Variants in HOXC11 observed in about 807,000 individuals in gnomAD.
The protein encoded by HOXC11 is homeobox C11.
Under a neutral mutation model 23.6 loss-of-function variants are expected in HOXC11, and 17 were observed. The observed-to-expected ratio is 0.72, with a 90% CI of 0.49 to 1.08. HOXC11 has a LOEUF of 1.08. Ranked by LOEUF, HOXC11 falls within the 50% of genes least tolerant of loss-of-function variation. HOXC11 has a pLI of 0.00. For synonymous variants in HOXC11, 196 were observed against 183.8 expected (o/e 1.07, Z -0.54); for missense variants, 413 against 412.1 (o/e 1.00, Z -0.02).
Position 53,975,259 on chromosome 12 carries a change from A to C in HOXC11, c.761A>C (p.Asn254Thr). ...GAACTGGAGCGAGAGTTTTTCTTCA[A>C]CGTGTATATCAACAAAGAGAAGCGG... ...IRELEREFFF[N>T]VYINKEKRLQ... is the part of the protein sequence containing the mutation. Residue 254 changes from asparagine to threonine, a missense_variant, in exon 2 of 2, where the codon AAC becomes ACC. Asn to Thr is a moderately conservative substitution (Grantham distance 65). Coordinates refer to ENST00000546378, the MANE Select transcript of HOXC11 (RefSeq NM_014212.4). 6.2e-7 allele frequency: 1 copy of C among 1,612,950 alleles called. No individual in the cohort carries two copies. Among genetic ancestry groups the C allele is most frequent in the Non-Finnish European group, 8.5e-7 (1 of 1,179,700 alleles).
At chr12:53,975,078 G>T (rs1939231574) in intron 1 of HOXC11, 103 bp from the exon 2 acceptor site, 2 of 619,134 alleles carry the variant, frequency 3.2e-6, no homozygotes, top group Non-Finnish European at 5.7e-6. Context: ...GCCCGCGGTG[G>T]GCTAGGAGAA....
chr12:53,973,150 A>G lies in HOXC11; in HGVS notation c.-92A>G. On this transcript the variant is annotated 5_prime_UTR_variant, in exon 1 of 2. Coordinates refer to ENST00000546378, the MANE Select transcript of HOXC11 (RefSeq NM_014212.4). This position sits in a 1 kb window ranked among gnomAD's most constrained non-coding sequence, Gnocchi z 4.3. ...CGTGCTCAGAGAGAGAGAGACTAAG[A>G]CGGATAACGCGTCATCTCGCCTTCC... 1 of 931,494 alleles carries G rather than the reference A, an allele frequency of 1.1e-6. No homozygotes were observed. The highest frequency in any genetic ancestry group is 3.0e-4 in the Middle Eastern group (1 of 3,296). The allele number at this position is 931,494 out of a possible 1,614,324, so 57.7% of individuals were successfully genotyped here. A position where few individuals can be genotyped will look rare whatever the true frequency, so the allele number is the denominator to read the frequency against.
Position 53,973,432 on chromosome 12 carries a change from C to T in HOXC11, c.191C>T (p.Ser64Leu), listed in dbSNP as rs201705157. 33 of 1,614,204 alleles carry T rather than the reference C, an allele frequency of 2.0e-5. No homozygotes were observed. In the East Asian group the frequency reaches 4.0e-4, roughly 20 times the overall value. ...APSRQISYPY[S>L]AQVPPVREVS... ...TCTCGTCAGATCTCCTATCCCTACT[C>T]GGCCCAAGTGCCCCCGGTCCGGGAG... The change falls in exon 1 of 2, where the codon TCG (serine) becomes TTG (leucine). Residue 64 changes from serine to leucine, a missense_variant. Coordinates refer to ENST00000546378, the MANE Select transcript of HOXC11 (RefSeq NM_014212.4). The surrounding 1 kb of genome is among the most constrained non-coding windows in gnomAD (Gnocchi z 4.3).
rs1235961036 is a variant in HOXC11, at chr12:53,975,566, G to A, written c.*153G>A. On this transcript the variant is annotated 3_prime_UTR_variant, in exon 2 of 2. Transcript: ENST00000546378. ...ACCGCTGTGGCCGGCACTCCATTCCGGAACCTCCTGGACCCTCTATCTGAC... is the reference window on the plus strand; with the variant it reads ...ACCGCTGTGGCCGGCACTCCATTCCAGAACCTCCTGGACCCTCTATCTGAC... The A allele has an allele frequency of 1.4e-6, 1 of 697,132 alleles. No individual in the cohort carries two copies. The highest frequency in any genetic ancestry group is 1.8e-5 in the African/African-American group (1 of 56,240). 43.2% of individuals were successfully genotyped at this position (697,132 alleles called of 1,614,324 possible).
Position 53,973,808 on chromosome 12 carries a change from G to A in HOXC11, c.567G>A (p.Leu189=). Residue 189 remains leucine (L), a synonymous_variant, in exon 1 of 2, where the codon CTG becomes CTA. Transcript: ENST00000546378. This position sits in a 1 kb window ranked among gnomAD's most constrained non-coding sequence, Gnocchi z 4.3. ...GEPEAPPASG[L]ASRAEAGAEA... The stretch of plus-strand genomic sequence containing the variant: ...CCGAGGCACCCCCGGCCTCGGGACT[G>A]GCGTCCCGGGCTGAGGCGGGTGCCG... 6.4e-7 allele frequency: 1 copy of A among 1,559,666 alleles called. No individual in the cohort carries two copies. The highest frequency in any genetic ancestry group is 8.6e-7 in the Non-Finnish European group (1 of 1,156,934).
At chr12:53,975,071 C>T (rs950370801) in intron 1 of HOXC11, 110 bp from the exon 2 acceptor site, 5 of 603,926 alleles carry the variant, frequency 8.3e-6, no homozygotes, top group South Asian at 2.0e-5. Flanking sequence ...GAGGGCTGCC[C>T]GCGGTGGGCT....
In HOXC11 at chr12:53,973,132, A is replaced by G; in HGVS notation, c.-110A>G. ...AATATCTACTTTGGATCACGTGCTCAGAGAGAGAGAGACTAAGACGGATAA... is the reference window on the plus strand; with the variant it reads ...AATATCTACTTTGGATCACGTGCTCGGAGAGAGAGAGACTAAGACGGATAA... On this transcript the variant is annotated 5_prime_UTR_variant, in exon 1 of 2. Coordinates refer to ENST00000546378, the MANE Select transcript of HOXC11 (RefSeq NM_014212.4). This position sits in a 1 kb window ranked among gnomAD's most constrained non-coding sequence, Gnocchi z 4.3. 1 of 712,338 alleles carries G rather than the reference A, an allele frequency of 1.4e-6. No individual in the cohort carries two copies. The highest frequency in any genetic ancestry group is 2.2e-6 in the Non-Finnish European group (1 of 451,710). The allele number at this position is 712,338 out of a possible 1,614,324, so 44.1% of individuals were successfully genotyped here.
chr12:53,974,076 T>G (rs1481187500), intron 1 of HOXC11, 153 bp downstream of exon 1: 1 of 587,278 alleles, frequency 1.7e-6, no homozygotes, highest in Non-Finnish European at 2.7e-6. Context: ...CAAAGGATTT[T>G]ATTATAACCT....
rs114441649 is a variant in HOXC11 at position 53,975,170 on chromosome 12, C to G, written c.683-11C>G. 3.3e-6 allele frequency: 5 copies of G among 1,505,582 alleles called. No individual in the cohort carries two copies. The highest frequency in any genetic ancestry group is 4.6e-6 in the Non-Finnish European group (5 of 1,089,862). The allele number at this position is 1,505,582 out of a possible 1,614,324, so 93.3% of individuals were successfully genotyped here. On this transcript the variant is annotated splice_polypyrimidine_tract_variant and intron_variant, in intron 1 of 1. Coordinates refer to ENST00000546378, the MANE Select transcript of HOXC11 (RefSeq NM_014212.4). ...CCCTCTCCTCGCACTTGCCCCCTCC[C>G]CTCCCTCCAGACGCCCCCCGCACCC...
intron 1 of HOXC11, chr12:53,974,821 C>T (rs1242132180): frequency 9.9e-6 from 2 of 202,210 alleles, no homozygotes. Context: ...GCTTTCCGAA[C>T]CACTAGGAGG....
In HOXC11 at chr12:53,973,607, C is replaced by T. The variant is rs1332622180; in HGVS notation, c.366C>T (p.Gly122=). 50 of 1,613,552 alleles carry T rather than the reference C, an allele frequency of 3.1e-5. No homozygotes were observed. Among genetic ancestry groups the T allele is most frequent in the Non-Finnish European group, 4.2e-5 (50 of 1,180,032 alleles). ...EILMKNEGSY[G]GHHHPSAPHA... ...TCATGAAAAACGAAGGCTCCTACGG[C>T]GGCCACCACCACCCCAGCGCCCCGC... is the stretch of plus-strand genomic sequence containing the variant. The change falls in exon 1 of 2, where the codon GGC becomes GGT. Residue 122 remains glycine, a synonymous_variant. Transcript: ENST00000546378. The surrounding 1 kb of genome is among the most constrained non-coding windows in gnomAD (Gnocchi z 4.3).
At chr12:53,974,666 G>T (rs1032697991) in intron 1 of HOXC11, among the ~76,000 whole-genome samples, 3 of 151,460 alleles carry the variant, frequency 2.0e-5, no homozygotes, top group African/African-American at 7.3e-5. Flanking sequence ...CGGGCTTCCC[G>T]GGGCGCCAGG....
rs779496207 is a variant in HOXC11, at chr12:53,973,378, C to T, written c.137C>T (p.Thr46Met). The part of the protein sequence containing the change: ...SCTYYMPEFS[T>M]VSSFLPQAPS... ...ACTTACTACATGCCCGAGTTCTCCA[C>T]GGTCTCCTCCTTCCTGCCCCAGGCC... is the stretch of plus-strand genomic sequence containing the variant. Residue 46 changes from threonine to methionine, a missense_variant, in exon 1 of 2, where the codon ACG becomes ATG. Thr to Met is a moderately conservative substitution (Grantham distance 81). Coordinates refer to ENST00000546378, the MANE Select transcript of HOXC11 (RefSeq NM_014212.4). The surrounding 1 kb of genome is among the most constrained non-coding windows in gnomAD (Gnocchi z 4.3). 1.9e-6 allele frequency: 3 copies of T among 1,614,214 alleles called. No homozygotes were observed. Among genetic ancestry groups the T allele is most frequent in the Non-Finnish European group, 2.5e-6 (3 of 1,180,042 alleles).
rs937875309 is a variant in HOXC11 at position 53,976,942 on chromosome 12, C to A, written c.*1529C>A. The A allele has an allele frequency of 6.6e-6, 1 of 151,884 alleles. No homozygotes were observed. 9.4% of individuals were successfully genotyped at this position (151,884 alleles called of 1,614,324 possible). A position where few individuals can be genotyped will look rare whatever the true frequency, so the allele number is the denominator to read the frequency against. ...GAGGGGACAGAAGGAGAAACCAGCC[C>A]CCTCCCTCTCCTCTCCACAGCTCCT... On this transcript the variant is annotated 3_prime_UTR_variant, in exon 2 of 2. Coordinates refer to ENST00000546378, the MANE Select transcript of HOXC11 (RefSeq NM_014212.4).
Position 53,973,216 on chromosome 12 carries a change from T to C in HOXC11, c.-26T>C. 1.3e-6 allele frequency: 2 copies of C among 1,527,138 alleles called. No homozygotes were observed. Among genetic ancestry groups the C allele is most frequent in the Non-Finnish European group, 1.8e-6 (2 of 1,142,268 alleles). 94.6% of individuals were successfully genotyped at this position (1,527,138 alleles called of 1,614,324 possible). On this transcript the variant is annotated 5_prime_UTR_variant, in exon 1 of 2. Transcript: ENST00000546378. The surrounding 1 kb of genome is among the most constrained non-coding windows in gnomAD (Gnocchi z 4.3). ...CGCTAGACCGGGTCCAAAACCTCCA[T>C]CCGGAGCCGGCAGGAGAGGAGAACG...
intron 1 of HOXC11, 39 bp from the exon 2 acceptor site, chr12:53,975,141 TC>T (rs1939232883): frequency 1.3e-6 from 1 of 795,502 alleles, no homozygotes; most frequent in Non-Finnish European, 2.1e-6. Context: ...CGTGTCTCTC[TC>T]CCCCCTCTCC....
At position 53,973,520 on chromosome 12, in the gene HOXC11, T is replaced by C; in HGVS notation, c.279T>C (p.Tyr93=). Residue 93 remains tyrosine (Y), a synonymous_variant, in exon 1 of 2, where the codon TAT becomes TAC. Coordinates refer to ENST00000546378, the MANE Select transcript of HOXC11 (RefSeq NM_014212.4). The surrounding 1 kb of genome is among the most constrained non-coding windows in gnomAD (Gnocchi z 4.3). Reference sequence around the variant, plus strand: ...ATCGGAACAGCTACTCCTCCTGCTATGCGGCGGCCGACGAGCTTATGCACC... The same window carrying C: ...ATCGGAACAGCTACTCCTCCTGCTACGCGGCGGCCGACGAGCTTATGCACC... ...WHHRNSYSSC[Y]AAADELMHRE... The C allele has an allele frequency of 1.2e-6, 2 of 1,613,710 alleles. No homozygotes were observed. The highest frequency in any genetic ancestry group is 1.3e-5 in the African/African-American group (1 of 74,970).
rs1939281172 is a variant in HOXC11, at chr12:53,977,450, C to G, written c.*2037C>G. On this transcript the variant is annotated 3_prime_UTR_variant, in exon 2 of 2. Coordinates refer to ENST00000546378, the MANE Select transcript of HOXC11 (RefSeq NM_014212.4). ...CCCTGCAGCTTAGGTATCTAAATTT[C>G]TAATTTGTAAACGTGGGTCGGGTCG... The G allele has an allele frequency of 6.6e-6, 1 of 152,228 alleles. No homozygotes were observed. Among genetic ancestry groups the G allele is most frequent in the African/African-American group, 2.4e-5 (1 of 41,454 alleles). The allele number at this position is 152,228 out of a possible 1,614,324, so 9.4% of individuals were successfully genotyped here.
At chr12:53,975,142 C>T (rs760326583) in intron 1 of HOXC11, 39 bp from the exon 2 acceptor site, 2 of 640,876 alleles carry the variant, frequency 3.1e-6, no homozygotes, top group Admixed American at 2.4e-5. Flanking sequence ...GTGTCTCTCT[C>T]CCCCCTCTCC....
Sources: allele counts gnomAD v4.1 joint callset (sites outside exome capture counted in the v4.1 genomes callset), GRCh38; gene constraint gnomAD v4.1.1; non-coding constraint Gnocchi (gnomAD v3.1); transcripts MANE v1.5; gene names NCBI Gene and HGNC (gene_info 2026-07-23, HGNC 2026-07-21).